The following SLC6A11 variants were observed in gnomAD, a reference collection of about 807,000 sequenced individuals.
SLC6A11 encodes the protein sodium- and chloride-dependent GABA transporter 3.
A neutral mutation model predicts 74.8 loss-of-function variants in SLC6A11; 25 were observed. That is an observed-to-expected ratio of 0.33 (90% CI 0.24 to 0.47). The LOEUF (loss-of-function observed/expected upper bound fraction) is 0.47, where lower values mean the gene tolerates loss of function less well. Ranked by LOEUF, SLC6A11 falls within the 20% of genes least tolerant of loss-of-function variation. The pLI is 1.00. For synonymous variants in SLC6A11, 330 were observed against 330.2 expected (o/e 1.00, Z 0.01); for missense variants, 574 against 837.0 (o/e 0.69, Z 3.88).
chr3:10,936,556 A>G (rs964349603), intron 13 of SLC6A11, among the ~76,000 whole-genome samples: 4 of 125,344 alleles, frequency 3.2e-5, no homozygotes, highest in Non-Finnish European at 7.1e-5. Context: ...TGGGCTCCAG[A>G]AATAGTCATG....
chr3:10,910,280 T>C (rs1189188547), intron 6 of SLC6A11, among the ~76,000 whole-genome samples: 1 of 152,222 alleles, frequency 6.6e-6, no homozygotes, highest in African/African-American at 2.4e-5. Context: ...ATAGAATGAC[T>C]TGTACCATGT....
intron 5 of SLC6A11, among the ~76,000 whole-genome samples, chr3:10,850,693 G>C (rs1380677098): frequency 1.3e-5 from 2 of 152,200 alleles, no homozygotes; most frequent in Non-Finnish European, 2.9e-5. Flanking sequence ...GGTGGCATGA[G>C]ATCAGAAGGG....
chr3:10,930,515 G>T lies in SLC6A11; in HGVS notation c.1371+1176G>T, dbSNP rs114293150. Reference sequence around the variant, plus strand: ...AGTGTTGGAGCAAATAAATGGTACGGTGCTTCCCAGTTTCCACCTCACTTC... The same window carrying T: ...AGTGTTGGAGCAAATAAATGGTACGTTGCTTCCCAGTTTCCACCTCACTTC... On this transcript the variant is annotated intron_variant, in intron 10 of 13. Coordinates refer to ENST00000254488, the MANE Select transcript of SLC6A11 (RefSeq NM_014229.3). 7.0e-3 allele frequency among the ~76,000 whole-genome samples: 1,064 copies of T among 152,244 alleles called. 9 individuals carry two copies. The highest frequency in any genetic ancestry group is 0.024 in the African/African-American group (1,010 of 41,556).
intron 4 of SLC6A11, among the ~76,000 whole-genome samples, chr3:10,828,965 G>A (rs538498698): frequency 6.6e-6 from 1 of 152,300 alleles, no homozygotes; most frequent in South Asian, 2.1e-4. Context: ...GTTGAAATGA[G>A]TGAATGGAAG....
intron 5 of SLC6A11, among the ~76,000 whole-genome samples, chr3:10,857,203 C>G (rs1297236491): frequency 6.6e-6 from 1 of 152,062 alleles, no homozygotes; most frequent in Non-Finnish European, 1.5e-5. Context: ...GGAAAGGCCT[C>G]TTGGAAGAGG....
intron 4 of SLC6A11, among the ~76,000 whole-genome samples, chr3:10,828,016 G>A (rs941645738): frequency 3.3e-5 from 5 of 152,124 alleles, no homozygotes; most frequent in African/African-American, 4.8e-5. Flanking sequence ...GGCCATCCTC[G>A]TTTCCCTTAG....
chr3:10,901,513 G>A (rs1695240105), intron 6 of SLC6A11, among the ~76,000 whole-genome samples: 2 of 152,236 alleles, frequency 1.3e-5, no homozygotes, highest in South Asian at 4.1e-4. Flanking sequence ...GCTGCCCAGG[G>A]AAGGGTTTGG....
At chr3:10,934,375 G>C (rs1695731501) in intron 12 of SLC6A11, among the ~76,000 whole-genome samples, 1 of 152,236 alleles carries the variant, frequency 6.6e-6, no homozygotes, top group Non-Finnish European at 1.5e-5. Flanking sequence ...CAGTGTTGCT[G>C]TGTGACTAGG....
chr3:10,822,257 CG>C (rs1225633838), intron 3 of SLC6A11, among the ~76,000 whole-genome samples: 2 of 152,176 alleles, frequency 1.3e-5, no homozygotes, highest in Non-Finnish European at 2.9e-5. Context: ...GGCCATGGTG[CG>C]GGGTGCAGGG....
intron 6 of SLC6A11, among the ~76,000 whole-genome samples, chr3:10,894,238 C>T (rs1434272821): frequency 2.6e-5 from 4 of 152,174 alleles, no homozygotes; most frequent in African/African-American, 7.2e-5. Flanking sequence ...GAACTGGCGC[C>T]GTTTAAAGCT....
rs1695484895 is a variant in SLC6A11, at chr3:10,918,247, A to G, written c.996-82A>G. 5 of 1,436,846 alleles carry G rather than the reference A, an allele frequency of 3.5e-6. No individual in the cohort carries two copies. Among genetic ancestry groups the G allele is most frequent in the Admixed American group, 2.8e-5 (1 of 36,348 alleles). The allele number at this position is 1,436,846 out of a possible 1,614,324, so 89.0% of individuals were successfully genotyped here. A position where few individuals can be genotyped will look rare whatever the true frequency, so the allele number is the denominator to read the frequency against. The stretch of plus-strand genomic sequence containing the variant: ...TCCCTGCCTGCCTCACAGGACAGCC[A>G]TGGTGCTCGGGTGGAGAACGTTTGA... On this transcript the variant is annotated intron_variant, in intron 7 of 13. Transcript: ENST00000254488. This position sits in a 1 kb window ranked among gnomAD's most constrained non-coding sequence, Gnocchi z 4.5.
chr3:10,902,278 G>T (rs1695250286), intron 6 of SLC6A11, among the ~76,000 whole-genome samples: 1 of 152,232 alleles, frequency 6.6e-6, no homozygotes, highest in South Asian at 2.1e-4. Flanking sequence ...GAACAGCAAG[G>T]AGCCTAGGAG....
intron 10 of SLC6A11, 80 bp downstream of exon 10, chr3:10,929,419 T>A: frequency 6.5e-7 from 1 of 1,528,178 alleles, no homozygotes; most frequent in African/African-American, 1.4e-5. Context: ...ACCAGCTGTG[T>A]GACCCGGGTC....
In SLC6A11 at chr3:10,915,800, C is replaced by T. The variant is rs1411858546; in HGVS notation, c.996-2529C>T. The stretch of plus-strand genomic sequence containing the variant: ...TAATGTGAGGAAGTCACTCAACAGA[C>T]CTGTGCAGGAAGATGGGAATTTTTT... On this transcript the variant is annotated intron_variant, in intron 7 of 13. Coordinates refer to ENST00000254488, the MANE Select transcript of SLC6A11 (RefSeq NM_014229.3). The surrounding 1 kb of genome is among the most constrained non-coding windows in gnomAD (Gnocchi z 4.3). Among the ~76,000 whole-genome samples, 4 of 152,218 alleles carry T rather than the reference C, an allele frequency of 2.6e-5. No individual in the cohort carries two copies. Among genetic ancestry groups the T allele is most frequent in the Non-Finnish European group, 4.4e-5 (3 of 68,050 alleles).
intron 5 of SLC6A11, among the ~76,000 whole-genome samples, chr3:10,855,804 G>A (rs1694632348): frequency 6.6e-6 from 1 of 152,206 alleles, no homozygotes; most frequent in South Asian, 2.1e-4. Context: ...CCGGAAGCAG[G>A]AGAAATAGGG....
chr3:10,871,867 C>T (rs1694831781), intron 5 of SLC6A11, among the ~76,000 whole-genome samples: 1 of 152,140 alleles, frequency 6.6e-6, no homozygotes, highest in African/African-American at 2.4e-5. Flanking sequence ...GGTGCAGGGG[C>T]CATGAGTGGG....
chr3:10,922,306 A>G (rs531107393), intron 8 of SLC6A11, among the ~76,000 whole-genome samples: 4 of 152,346 alleles, frequency 2.6e-5, no homozygotes, highest in Non-Finnish European at 4.4e-5. Context: ...ACAAAAAAAC[A>G]TAAGATTAGC....
intron 9 of SLC6A11, among the ~76,000 whole-genome samples, chr3:10,928,011 C>T (rs577742350): frequency 1.3e-5 from 2 of 152,278 alleles, no homozygotes; most frequent in East Asian, 3.9e-4. Flanking sequence ...CACTTATCGC[C>T]TGGGTGACCT....
At chr3:10,885,764 G>A (rs986521705) in intron 6 of SLC6A11, among the ~76,000 whole-genome samples, 212 of 152,060 alleles carry the variant, frequency 1.4e-3, no homozygotes, top group African/African-American at 4.9e-3. Context: ...TGGCAGGGTT[G>A]GGAGCCCCCA....
Sources: allele counts gnomAD v4.1 joint callset (sites outside exome capture counted in the v4.1 genomes callset), GRCh38; gene constraint gnomAD v4.1.1; non-coding constraint Gnocchi (gnomAD v3.1); transcripts MANE v1.5; gene names NCBI Gene and HGNC (gene_info 2026-07-23, HGNC 2026-07-21).